The following ALDH1A2 variants were observed in gnomAD, a reference collection of about 807,000 sequenced individuals.
The protein encoded by ALDH1A2 is aldehyde dehydrogenase 1 family member A2.
A neutral mutation model predicts 60.3 loss-of-function variants in ALDH1A2; 27 were observed. The ratio of observed to expected loss-of-function variants is 0.45; its 90% CI spans 0.33 to 0.62. The LOEUF (loss-of-function observed/expected upper bound fraction) is 0.62, where lower values mean the gene tolerates loss of function less well. ALDH1A2 is among the 20% of genes least tolerant of loss of function. The pLI is 0.02. For synonymous variants in ALDH1A2, 289 were observed against 232.4 expected (o/e 1.24, Z -2.21); for missense variants, 581 against 643.8 (o/e 0.90, Z 1.06).
At chr15:58,058,552 AAATAT>A (rs1896951076) in intron 1 of ALDH1A2, among the ~76,000 whole-genome samples, 1 of 151,822 alleles carries the variant, frequency 6.6e-6, no homozygotes, top group Non-Finnish European at 1.5e-5. Context: ...ATGTAAAATA[AAATAT>A]ATTAAAATAT....
chr15:58,004,565 A>G (rs1895383219), intron 4 of ALDH1A2, among the ~76,000 whole-genome samples: 1 of 151,488 alleles, frequency 6.6e-6, no homozygotes, highest in Non-Finnish European at 1.5e-5. Flanking sequence ...TTATAAGTGA[A>G]AGCATGTGGT....
chr15:57,993,540 ACTTTTT>A (rs775904589), intron 5 of ALDH1A2, among the ~76,000 whole-genome samples: 4 of 152,202 alleles, frequency 2.6e-5, no homozygotes, highest in East Asian at 1.9e-4. Context: ...TCAAGGTAGT[ACTTTTT>A]CTTTAGATAC....
intron 1 of ALDH1A2, among the ~76,000 whole-genome samples, chr15:58,018,290 C>G (rs1895837332): frequency 6.6e-6 from 1 of 151,898 alleles, no homozygotes; most frequent in African/African-American, 2.4e-5. Context: ...GATTATGACC[C>G]ATAGAATGAA....
intron 4 of ALDH1A2, among the ~76,000 whole-genome samples, chr15:58,004,207 TCTAA>T (rs1236167066): frequency 3.3e-5 from 5 of 151,920 alleles, no homozygotes; most frequent in African/African-American, 1.2e-4. Context: ...ATTTGCTCTC[TCTAA>T]CTGATTATCC....
chr15:58,057,046 T>C (rs1349995342), intron 1 of ALDH1A2, among the ~76,000 whole-genome samples: 1 of 152,108 alleles, frequency 6.6e-6, no homozygotes, highest in Non-Finnish European at 1.5e-5. Context: ...ATATACTCCA[T>C]GAGCCAGCAA....
intron 1 of ALDH1A2, among the ~76,000 whole-genome samples, chr15:58,053,177 C>G (rs1896817853): frequency 6.6e-6 from 1 of 152,062 alleles, no homozygotes. Flanking sequence ...ACACACAGTA[C>G]TTAACAGTAA....
rs184386062 is a variant in ALDH1A2, at chr15:57,973,309, C to T, written c.799-7482G>A. On this transcript the variant is annotated intron_variant, in intron 7 of 12. Coordinates refer to ENST00000249750, the MANE Select transcript of ALDH1A2 (RefSeq NM_003888.4). ...TAGCTGCATAAGGAGAAATTAATCC[C>T]ATCTTTAATCTGAGTAAAGTTGTTG... 1.3e-3 allele frequency among the ~76,000 whole-genome samples: 194 copies of T among 152,254 alleles called. 1 individual carries two copies. The highest frequency in any genetic ancestry group is 2.4e-4 in the Non-Finnish European group (16 of 68,020).
intron 7 of ALDH1A2, among the ~76,000 whole-genome samples, chr15:57,981,159 A>G (rs1894490493): frequency 6.6e-6 from 1 of 152,116 alleles, no homozygotes; most frequent in African/African-American, 2.4e-5. Flanking sequence ...TTTTCAAAAA[A>G]CCAGCTCCTG....
At position 57,955,026 on chromosome 15, in the gene ALDH1A2, A is replaced by T; in HGVS notation, c.*171T>A. On this transcript the variant is annotated 3_prime_UTR_variant, in exon 13 of 13. Coordinates refer to ENST00000249750, the MANE Select transcript of ALDH1A2 (RefSeq NM_003888.4). ...CCCTTACAGAGTGCCAAGAAACTGT[A>T]CCCAGCTGGTTTGCTTTAGTTGTGC... The T allele has an allele frequency of 1.3e-6, 1 of 743,296 alleles. No individual in the cohort carries two copies. The highest frequency in any genetic ancestry group is 2.4e-6 in the Non-Finnish European group (1 of 416,106). 46.0% of individuals were successfully genotyped at this position (743,296 alleles called of 1,614,324 possible).
chr15:58,032,118 A>G (rs1896256286), intron 1 of ALDH1A2, among the ~76,000 whole-genome samples: 2 of 152,286 alleles, frequency 1.3e-5, no homozygotes, highest in Middle Eastern at 3.4e-3. Context: ...ATGTCCAACA[A>G]TGATAGACTG....
chr15:58,061,240 T>C (rs992240991), intron 1 of ALDH1A2, among the ~76,000 whole-genome samples: 14 of 151,974 alleles, frequency 9.2e-5, no homozygotes, highest in African/African-American at 2.9e-4. Context: ...ATGGAGATGA[T>C]ACAAACACCA....
At chr15:58,037,270 TTA>T (rs1317422750) in intron 1 of ALDH1A2, among the ~76,000 whole-genome samples, 1 of 151,430 alleles carries the variant, frequency 6.6e-6, no homozygotes, top group Non-Finnish European at 1.5e-5. Context: ...AAAAAAAGAA[TTA>T]TGAGAAAAGA....
chr15:57,985,886 G>C (rs986934025), intron 7 of ALDH1A2, among the ~76,000 whole-genome samples: 1 of 152,146 alleles, frequency 6.6e-6, no homozygotes, highest in Admixed American at 6.5e-5. Context: ...ACTTATGAGA[G>C]TAAAGTACTG....
At chr15:58,032,240 C>G (rs1156748286) in intron 1 of ALDH1A2, among the ~76,000 whole-genome samples, 1 of 151,922 alleles carries the variant, frequency 6.6e-6, no homozygotes, top group Non-Finnish European at 1.5e-5. Context: ...TCATTCTCAG[C>G]AAACTATTGC....
chr15:57,963,359 T>G (rs542054712), intron 9 of ALDH1A2, among the ~76,000 whole-genome samples: 168 of 151,762 alleles, frequency 1.1e-3, no homozygotes, highest in Middle Eastern at 3.4e-3. Flanking sequence ...TTTTTTTTTT[T>G]TTTTGAGACG....
chr15:58,013,092 G>C (rs780623205), intron 3 of ALDH1A2, among the ~76,000 whole-genome samples: 10 of 152,156 alleles, frequency 6.6e-5, no homozygotes, highest in Non-Finnish European at 1.2e-4. Context: ...TTAGTGAAAG[G>C]AAGTTGCTAT....
chr15:58,063,519 G>C (rs1204421429), intron 1 of ALDH1A2, among the ~76,000 whole-genome samples: 1 of 151,730 alleles, frequency 6.6e-6, no homozygotes, highest in Non-Finnish European at 1.5e-5. Flanking sequence ...CATTACCCTG[G>C]GATACCAAAA....
chr15:57,997,550 T>G (rs1895105204), intron 4 of ALDH1A2, among the ~76,000 whole-genome samples: 1 of 151,868 alleles, frequency 6.6e-6, no homozygotes. Flanking sequence ...CTGGAATGGT[T>G]CAGAAAAAAA....
intron 4 of ALDH1A2, among the ~76,000 whole-genome samples, chr15:57,998,816 G>A (rs1187127624): frequency 1.3e-5 from 2 of 152,080 alleles, no homozygotes; most frequent in African/African-American, 2.4e-5. Context: ...CAAGGCTACA[G>A]TAACCAAAAC....
Sources: gnomAD v4.1 joint callset for allele counts (sites outside exome capture counted in the v4.1 genomes callset) on GRCh38, gnomAD v4.1.1 for gene constraint, MANE v1.5 for transcripts, NCBI Gene and HGNC (gene_info 2026-07-23, HGNC 2026-07-21) for gene names.